REV3L: variants seen among roughly 807,000 people sequenced by gnomAD.
The protein encoded by REV3L is DNA polymerase zeta catalytic subunit.
Under a neutral mutation model 299.4 loss-of-function variants are expected in REV3L, and 69 were observed. That is an observed-to-expected ratio of 0.23 (90% CI 0.19 to 0.28). The LOEUF (loss-of-function observed/expected upper bound fraction) is 0.28, where lower values mean the gene tolerates loss of function less well. Ranked by LOEUF, REV3L falls within the 10% of genes least tolerant of loss-of-function variation. The pLI is 1.00. For missense variants in REV3L, 3,128 were observed against 3,693.8 expected (o/e 0.85, Z 3.97); for synonymous variants, 1,238 against 1,271.4 (o/e 0.97, Z 0.56).
intron 1 of REV3L, among the ~76,000 whole-genome samples, chr6:111,421,363 T>C (rs1157488056): frequency 1.3e-5 from 2 of 152,156 alleles, no homozygotes; most frequent in Non-Finnish European, 2.9e-5. Flanking sequence ...CTGAAAACTT[T>C]TTCTGGAAGG....
intron 1 of REV3L, among the ~76,000 whole-genome samples, chr6:111,421,782 G>T (rs73765963): frequency 0.027 from 4,172 of 152,166 alleles, 78 homozygotes; most frequent in Admixed American, 0.066. Context: ...CTATAAAACA[G>T]AAAAACTTGG....
intron 4 of REV3L, among the ~76,000 whole-genome samples, chr6:111,394,317 G>GT (rs1782247098): frequency 6.6e-6 from 1 of 151,964 alleles, no homozygotes. Context: ...TGTCTTTTCC[G>GT]TAACAGCCAT....
At position 111,483,063 on chromosome 6, in the gene REV3L, C is replaced by T; in HGVS notation, c.-175G>A. On this transcript the variant is annotated 5_prime_UTR_variant, in exon 1 of 32. Coordinates refer to ENST00000368802, the MANE Select transcript of REV3L (RefSeq NM_001372078.1). ...GGCGGGGCGGTGTAGGCGCTGCTGC[C>T]GCCGCCTCCTCAGGAGCACCCGGCA... 3 of 747,348 alleles carry T rather than the reference C, an allele frequency of 4.0e-6. No individual in the cohort carries two copies. The highest frequency in any genetic ancestry group is 5.8e-6 in the Non-Finnish European group (3 of 517,684). The allele number at this position is 747,348 out of a possible 1,614,324, so 46.3% of individuals were successfully genotyped here. A position where few individuals can be genotyped will look rare whatever the true frequency, so the allele number is the denominator to read the frequency against.
chr6:111,429,003 T>A (rs1300485622), intron 1 of REV3L, among the ~76,000 whole-genome samples: 1 of 152,148 alleles, frequency 6.6e-6, no homozygotes, highest in South Asian at 2.1e-4. Flanking sequence ...GTAAATGATG[T>A]ATACAAGTGC....
intron 1 of REV3L, among the ~76,000 whole-genome samples, chr6:111,478,783 T>C (rs1026852924): frequency 6.6e-6 from 1 of 152,240 alleles, no homozygotes; most frequent in African/African-American, 2.4e-5. Flanking sequence ...CTTGATTTCA[T>C]GGCTAACAGT....
At chr6:111,471,559 A>C (rs1309169004) in intron 1 of REV3L, among the ~76,000 whole-genome samples, 3 of 152,238 alleles carry the variant, frequency 2.0e-5, no homozygotes, top group African/African-American at 7.2e-5. Flanking sequence ...AAAGAAAGTA[A>C]CATTTATGTT....
At chr6:111,473,368 G>A (rs759588465) in intron 1 of REV3L, among the ~76,000 whole-genome samples, 2 of 151,598 alleles carry the variant, frequency 1.3e-5, no homozygotes, top group Non-Finnish European at 2.9e-5. Context: ...CTTTAATTGC[G>A]TGAATTCTAA....
At position 111,483,196 on chromosome 6, in the gene REV3L, T is replaced by A. The variant is rs1793987472; in HGVS notation, c.-308A>T. ...CTCCTCGGTCCCAGGCTGCAGCTCTTGTTGCCATGATGATGATGTCACGGA... is the reference window on the plus strand; with the variant it reads ...CTCCTCGGTCCCAGGCTGCAGCTCTAGTTGCCATGATGATGATGTCACGGA... On this transcript the variant is annotated 5_prime_UTR_variant, in exon 1 of 32. Coordinates refer to ENST00000368802, the MANE Select transcript of REV3L (RefSeq NM_001372078.1). The A allele has an allele frequency of 2.1e-6, 1 of 475,480 alleles. No individual in the cohort carries two copies. Among genetic ancestry groups the A allele is most frequent in the South Asian group, 3.7e-5 (1 of 26,910 alleles). The allele number at this position is 475,480 out of a possible 1,614,324, so 29.5% of individuals were successfully genotyped here. A position where few individuals can be genotyped will look rare whatever the true frequency, so the allele number is the denominator to read the frequency against.
chr6:111,456,615 A>T (rs2128321568), intron 1 of REV3L, among the ~76,000 whole-genome samples: 1 of 152,328 alleles, frequency 6.6e-6, no homozygotes, highest in East Asian at 1.9e-4. Context: ...TAGGTAAAGC[A>T]GAGATCACAT....
At chr6:111,389,435 T>C (rs1190699759) in intron 6 of REV3L, among the ~76,000 whole-genome samples, 1 of 152,158 alleles carries the variant, frequency 6.6e-6, no homozygotes, top group African/African-American at 2.4e-5. Flanking sequence ...AAACATCTGA[T>C]GATAGTCAAT....
intron 21 of REV3L, among the ~76,000 whole-genome samples, chr6:111,338,413 C>A (rs1776154941): frequency 7.8e-6 from 1 of 128,634 alleles, no homozygotes. Flanking sequence ...GAAACATAAT[C>A]AGCAGATTAA....
chr6:111,379,359 G>T lies in REV3L; in HGVS notation c.1454+623C>A, dbSNP rs566040802. Among the ~76,000 whole-genome samples the T allele has an allele frequency of 2.0e-5, 3 of 152,306 alleles. No homozygotes were observed. In the South Asian group the frequency reaches 6.2e-4, roughly 32 times the overall value. On this transcript the variant is annotated intron_variant, in intron 11 of 31. Coordinates refer to ENST00000368802, the MANE Select transcript of REV3L (RefSeq NM_001372078.1). Reference sequence around the variant, plus strand: ...AAAAGTTCTAATCTAGCCTATAGAAGTTTAAAGGAGAGGCATACTCAGTCT... The same window carrying T: ...AAAAGTTCTAATCTAGCCTATAGAATTTTAAAGGAGAGGCATACTCAGTCT...
rs1234958018 is a variant in REV3L at position 111,416,199 on chromosome 6, TAG to T, written c.329+82_329+83del. Reference sequence around the variant, plus strand: ...TCCATTAGACTAGAAGTAAAAGAAATAGAGTTTATCAACTGAGTATGTTTTCC... The same window carrying T: ...TCCATTAGACTAGAAGTAAAAGAAATAGTTTATCAACTGAGTATGTTTTCC... On this transcript the variant is annotated intron_variant, in intron 2 of 31. Transcript: ENST00000368802. 7 of 924,802 alleles carry T rather than the reference TAG, an allele frequency of 7.6e-6. No individual in the cohort carries two copies. In the East Asian group the frequency reaches 1.4e-4, roughly 19 times the overall value. 57.3% of individuals were successfully genotyped at this position (924,802 alleles called of 1,614,324 possible).
intron 1 of REV3L, among the ~76,000 whole-genome samples, chr6:111,474,735 G>T (rs1190442122): frequency 2.0e-5 from 3 of 152,084 alleles, no homozygotes; most frequent in Non-Finnish European, 4.4e-5. Flanking sequence ...TCATTTGTTT[G>T]TAACAACTAT....
chr6:111,411,366 G>C, intron 3 of REV3L, 114 bp downstream of exon 3: 1 of 684,672 alleles, frequency 1.5e-6, no homozygotes, highest in East Asian at 2.8e-5. Context: ...TGTATTTTAC[G>C]GTCTCTGTCT....
At chr6:111,470,030 A>G (rs1166567304) in intron 1 of REV3L, among the ~76,000 whole-genome samples, 1 of 152,206 alleles carries the variant, frequency 6.6e-6, no homozygotes, top group Non-Finnish European at 1.5e-5. Context: ...AAAATTTTAT[A>G]TCAGATTGAT....
chr6:111,438,244 A>C (rs1787831228), intron 1 of REV3L, among the ~76,000 whole-genome samples: 1 of 151,988 alleles, frequency 6.6e-6, no homozygotes, highest in African/African-American at 2.4e-5. Context: ...GAGATGACCT[A>C]ATTTTGAATA....
chr6:111,342,803 G>A (rs1776657988), intron 21 of REV3L, among the ~76,000 whole-genome samples: 1 of 152,044 alleles, frequency 6.6e-6, no homozygotes, highest in African/African-American at 2.4e-5. Context: ...ATCTGACTTT[G>A]GAAAGAAAAT....
chr6:111,366,325 AAG>A (rs1779206394), intron 14 of REV3L, among the ~76,000 whole-genome samples: 2 of 152,180 alleles, frequency 1.3e-5, no homozygotes, highest in African/African-American at 4.8e-5. Flanking sequence ...TGGAGCTTAA[AAG>A]AGAGATCTGA....
Sources: allele counts gnomAD v4.1 joint callset (sites outside exome capture counted in the v4.1 genomes callset), GRCh38; gene constraint gnomAD v4.1.1; transcripts MANE v1.5; gene names NCBI Gene and HGNC (gene_info 2026-07-23, HGNC 2026-07-21).